The following LY86 variants were observed in gnomAD, a reference collection of about 807,000 sequenced individuals.
The protein encoded by LY86 is MD-1, RP105-associated.
Under a neutral mutation model 17.3 loss-of-function variants are expected in LY86, and 20 were observed. The ratio of observed to expected loss-of-function variants is 1.15; its 90% CI spans 0.81 to 1.68. The LOEUF (loss-of-function observed/expected upper bound fraction) is 1.68, where lower values mean the gene tolerates loss of function less well. LY86 is among the 40% of genes most tolerant of loss of function. LY86 has a pLI of 0.00. For synonymous variants in LY86, 74 were observed against 70.6 expected, an observed-to-expected ratio of 1.05 and a Z score of -0.24; for missense variants, 200 against 191.9, an observed-to-expected ratio of 1.04 and a Z score of -0.25.
chr6:6,645,363 G>A (rs1264264481), intron 3 of LY86, among the ~76,000 whole-genome samples: 7 of 152,090 alleles, frequency 4.6e-5, no homozygotes, highest in Non-Finnish European at 7.4e-5. Flanking sequence ...TCTGCTCAGC[G>A]GCTTTACACA....
At chr6:6,635,543 G>A (rs969080467) in intron 3 of LY86, among the ~76,000 whole-genome samples, 4 of 152,126 alleles carry the variant, frequency 2.6e-5, no homozygotes, top group Non-Finnish European at 4.4e-5. Flanking sequence ...GCAGATAAGG[G>A]GGACTATTGT....
intron 1 of LY86, among the ~76,000 whole-genome samples, chr6:6,592,364 C>T (rs781279996): frequency 1.3e-5 from 2 of 152,182 alleles, no homozygotes; most frequent in African/African-American, 4.8e-5. Flanking sequence ...ACGAGTCCCA[C>T]GGTTACAAAA....
intron 1 of LY86, among the ~76,000 whole-genome samples, chr6:6,616,264 T>A (rs1370838379): frequency 2.0e-5 from 3 of 152,152 alleles, no homozygotes; most frequent in Non-Finnish European, 4.4e-5. Flanking sequence ...GTAAGCAACT[T>A]GAATCCTAGG....
rs529669565 is a variant in LY86 at position 6,594,656 on chromosome 6, G to A, written c.136+5786G>A. On this transcript the variant is annotated intron_variant, in intron 1 of 4. Transcript: ENST00000230568. ...ACCCACAGAGAGGCTGCATGAGCAA[G>A]TGAACTCAATGGTAAACCCACCATG... 2.0e-5 allele frequency among the ~76,000 whole-genome samples: 3 copies of A among 152,286 alleles called. No individual in the cohort carries two copies. The East Asian group carries it at 5.8e-4, about 29-fold the overall frequency.
chr6:6,599,167 C>T (rs184485243), intron 1 of LY86, among the ~76,000 whole-genome samples: 2 of 152,302 alleles, frequency 1.3e-5, no homozygotes, highest in Admixed American at 6.5e-5. Flanking sequence ...AATGAGGCTC[C>T]GTGCTCATCT....
At chr6:6,639,042 A>G (rs912545939) in intron 3 of LY86, among the ~76,000 whole-genome samples, 5 of 152,226 alleles carry the variant, frequency 3.3e-5, no homozygotes, top group East Asian at 3.9e-4. Flanking sequence ...TCCAACAATG[A>G]TAGACTGGAT....
At chr6:6,597,230 G>A (rs1234185398) in intron 1 of LY86, among the ~76,000 whole-genome samples, 2 of 152,192 alleles carry the variant, frequency 1.3e-5, no homozygotes, top group African/African-American at 2.4e-5. Flanking sequence ...CAAGGAAAGC[G>A]AAGGTGGAAG....
At chr6:6,608,363 G>A (rs1369243196) in intron 1 of LY86, among the ~76,000 whole-genome samples, 1 of 152,174 alleles carries the variant, frequency 6.6e-6, no homozygotes, top group African/African-American at 2.4e-5. Context: ...AGCATGCATC[G>A]CGTTACTTAA....
intron 1 of LY86, chr6:6,620,703 CAGGT>C (rs1761653714): frequency 6.6e-6 from 1 of 152,294 alleles, no homozygotes; most frequent in Admixed American, 6.5e-5. Context: ...GACAGCTGCC[CAGGT>C]CTAGCCCAGC....
intron 3 of LY86, among the ~76,000 whole-genome samples, chr6:6,640,402 T>TAA (rs1271158930): frequency 7.6e-6 from 1 of 131,936 alleles, no homozygotes; most frequent in Non-Finnish European, 1.7e-5. Context: ...TGGAAAAAAA[T>TAA]AAAAATAAAA....
At chr6:6,602,823 T>C (rs1417487944) in intron 1 of LY86, among the ~76,000 whole-genome samples, 1 of 152,194 alleles carries the variant, frequency 6.6e-6, no homozygotes, top group African/African-American at 2.4e-5. Flanking sequence ...AACTGTGTAT[T>C]GGACAAGCTT....
At chr6:6,616,848 C>CTTCAGATTAT (rs1761566401) in intron 1 of LY86, among the ~76,000 whole-genome samples, 1 of 152,234 alleles carries the variant, frequency 6.6e-6, no homozygotes, top group African/African-American at 2.4e-5. Flanking sequence ...GCATCTGGCC[C>CTTCAGATTAT]TGTTTCTGTC....
chr6:6,604,944 C>T (rs1050061312), intron 1 of LY86, among the ~76,000 whole-genome samples: 1 of 151,450 alleles, frequency 6.6e-6, no homozygotes, highest in African/African-American at 2.4e-5. Context: ...TAACAATCAA[C>T]GTAGAACCTA....
At chr6:6,631,196 A>G (rs912292977) in intron 3 of LY86, among the ~76,000 whole-genome samples, 1 of 152,174 alleles carries the variant, frequency 6.6e-6, no homozygotes, top group Non-Finnish European at 1.5e-5. Context: ...AGTGAGAGCC[A>G]AGCCAGGTGG....
At chr6:6,589,397 C>A (rs1436997610) in intron 1 of LY86, among the ~76,000 whole-genome samples, 1 of 152,222 alleles carries the variant, frequency 6.6e-6, no homozygotes, top group Non-Finnish European at 1.5e-5. Flanking sequence ...ACTTCGCATG[C>A]AGCTATCAAT....
chr6:6,605,946 A>ACTCATAAAAGAAGC (rs1561779879), intron 1 of LY86, among the ~76,000 whole-genome samples: 1 of 152,108 alleles, frequency 6.6e-6, no homozygotes, highest in African/African-American at 2.4e-5. Context: ...ATGGGTTATA[A>ACTCATAAAAGAAGC]CTCATAAAAG....
intron 1 of LY86, among the ~76,000 whole-genome samples, chr6:6,606,821 C>T (rs1030221461): frequency 3.3e-5 from 5 of 152,282 alleles, no homozygotes; most frequent in Non-Finnish European, 5.9e-5. Context: ...CACACCACCC[C>T]GCAAGCTGAG....
At chr6:6,605,651 T>TAC (rs1362594807) in intron 1 of LY86, among the ~76,000 whole-genome samples, 1 of 152,260 alleles carries the variant, frequency 6.6e-6, no homozygotes, top group African/African-American at 2.4e-5. Context: ...CGCTATGTTC[T>TAC]ACTGTGTCTG....
intron 1 of LY86, among the ~76,000 whole-genome samples, chr6:6,617,927 G>A (rs1480188977): frequency 3.3e-5 from 5 of 152,138 alleles, no homozygotes; most frequent in Non-Finnish European, 7.4e-5. Context: ...TGCAACCTCC[G>A]CCTCCCAGGT....
Sources: gnomAD v4.1 joint callset for allele counts (sites outside exome capture counted in the v4.1 genomes callset) on GRCh38, gnomAD v4.1.1 for gene constraint, MANE v1.5 for transcripts, NCBI Gene and HGNC (gene_info 2026-07-23, HGNC 2026-07-21) for gene names.